Variants in SLC35F2 observed in about 807,000 individuals in gnomAD.
SLC35F2 encodes the protein queuine/queuosine transporter SLC35F2.
A neutral mutation model predicts 38.1 loss-of-function variants in SLC35F2; 25 were observed. The observed-to-expected ratio is 0.66, with a 90% CI of 0.48 to 0.92. The LOEUF (loss-of-function observed/expected upper bound fraction) is 0.92. Ranked by LOEUF, SLC35F2 falls within the 40% of genes least tolerant of loss-of-function variation. The probability of loss-of-function intolerance (pLI) is 0.00; values close to 1 mark genes in which losing one functional copy is unlikely to be tolerated. For missense variants in SLC35F2, 409 were observed against 452.9 expected, an observed-to-expected ratio of 0.90 and a Z score of 0.88; for synonymous variants, 173 against 181.7, an observed-to-expected ratio of 0.95 and a Z score of 0.38.
intron 1 of SLC35F2, among the ~76,000 whole-genome samples, chr11:107,838,004 C>A (rs1345986180): frequency 2.0e-5 from 3 of 151,396 alleles, no homozygotes; most frequent in African/African-American, 7.3e-5. Flanking sequence ...TACTATATAC[C>A]AAGCGCTAAT....
chr11:107,811,022 TCA>T (rs769345225), intron 3 of SLC35F2: 91 of 985,220 alleles, frequency 9.2e-5, no homozygotes, highest in Non-Finnish European at 1.1e-4. Context: ...TGAGTCTATC[TCA>T]CTTTCACCTC....
intron 1 of SLC35F2, among the ~76,000 whole-genome samples, chr11:107,843,244 G>A (rs1030615745): frequency 6.6e-6 from 1 of 152,110 alleles, no homozygotes; most frequent in African/African-American, 2.4e-5. Context: ...GACTGGTGAT[G>A]CGTTTACGGG....
At chr11:107,810,757 A>G (rs1225817823) in intron 3 of SLC35F2, 1 of 978,426 alleles carries the variant, frequency 1.0e-6, no homozygotes, top group Non-Finnish European at 1.2e-6. Context: ...GTAACATTTA[A>G]TGTAGGTTCA....
intron 7 of SLC35F2, among the ~76,000 whole-genome samples, chr11:107,800,906 T>C (rs1467264815): frequency 6.6e-5 from 2 of 30,438 alleles, no homozygotes; most frequent in Non-Finnish European, 1.7e-4. Flanking sequence ...ATTACTACTT[T>C]TTTTTTTTTT....
intron 1 of SLC35F2, among the ~76,000 whole-genome samples, chr11:107,854,963 G>A (rs373623037): frequency 6.6e-6 from 1 of 152,044 alleles, no homozygotes; most frequent in Admixed American, 6.6e-5. Flanking sequence ...CCACAGGTGG[G>A]GATTCACAAA....
At chr11:107,854,764 A>G (rs1447188174) in intron 1 of SLC35F2, among the ~76,000 whole-genome samples, 1 of 152,192 alleles carries the variant, frequency 6.6e-6, no homozygotes, top group Non-Finnish European at 1.5e-5. Context: ...AACAAGCTCT[A>G]TGCCCCAATC....
chr11:107,825,233 T>C (rs572458572), intron 1 of SLC35F2, among the ~76,000 whole-genome samples: 26 of 152,340 alleles, frequency 1.7e-4, no homozygotes, highest in South Asian at 8.3e-4. Context: ...GGTTATAGTA[T>C]TGAATAACAC....
At position 107,792,453 on chromosome 11, in the gene SLC35F2, C is replaced by T. The variant is rs1291594041; in HGVS notation, c.*162G>A. The T allele has an allele frequency of 2.6e-6, 2 of 772,874 alleles. No individual in the cohort carries two copies. The highest frequency in any genetic ancestry group is 2.2e-5 in the South Asian group (1 of 44,634). 47.9% of individuals were successfully genotyped at this position (772,874 alleles called of 1,614,324 possible). A position where few individuals can be genotyped will look rare whatever the true frequency, so the allele number is the denominator to read the frequency against. On this transcript the variant is annotated 3_prime_UTR_variant, in exon 8 of 8. Coordinates refer to ENST00000525815, the MANE Select transcript of SLC35F2 (RefSeq NM_017515.5). ...TTTCTGCTCTATTTTGGTATTTCTA[C>T]TTTTGAACTTTGTTCAGTGTTCCTT...
At position 107,858,787 on chromosome 11, in the gene SLC35F2, C is replaced by A; in HGVS notation, c.-20G>T. The stretch of plus-strand genomic sequence containing the variant: ...CTCCATCGGCGCCCTTGCGCGTCTC[C>A]GGCGCCCAAAACCCCCGAAGTGCCG... On this transcript the variant is annotated 5_prime_UTR_variant, in exon 1 of 8. Transcript: ENST00000525815. 1 of 1,250,888 alleles carries A rather than the reference C, an allele frequency of 8.0e-7. No homozygotes were observed. Among genetic ancestry groups the A allele is most frequent in the East Asian group, 3.1e-5 (1 of 32,080 alleles). 77.5% of individuals were successfully genotyped at this position (1,250,888 alleles called of 1,614,324 possible).
At chr11:107,798,873 C>T (rs1225065032) in intron 7 of SLC35F2, among the ~76,000 whole-genome samples, 2 of 152,126 alleles carry the variant, frequency 1.3e-5, no homozygotes, top group African/African-American at 4.8e-5. Context: ...GTCAGGAGTT[C>T]GAGACCAGCC....
chr11:107,816,212 C>T lies in SLC35F2; in HGVS notation c.111-247G>A, dbSNP rs1859571582. The stretch of plus-strand genomic sequence containing the variant: ...ATATTCCCCCATTTCACTGAACATC[C>T]ATTTAGAGATCATTTTGATTACTCA... On this transcript the variant is annotated intron_variant, in intron 1 of 7. Coordinates refer to ENST00000525815, the MANE Select transcript of SLC35F2 (RefSeq NM_017515.5). 4.1e-6 allele frequency: 4 copies of T among 985,086 alleles called. No individual in the cohort carries two copies. The South Asian group carries it at 1.9e-4, about 46-fold the overall frequency. The allele number at this position is 985,086 out of a possible 1,614,324, so 61.0% of individuals were successfully genotyped here.
At chr11:107,808,414 A>T (rs941135029) in intron 3 of SLC35F2, among the ~76,000 whole-genome samples, 1 of 151,062 alleles carries the variant, frequency 6.6e-6, no homozygotes, top group Non-Finnish European at 1.5e-5. Context: ...GCATTCAAGG[A>T]TAAAATATAT....
chr11:107,822,843 A>G (rs1317426442), intron 1 of SLC35F2, among the ~76,000 whole-genome samples: 4 of 152,146 alleles, frequency 2.6e-5, no homozygotes, highest in African/African-American at 9.7e-5. Context: ...AGAGGAGTCA[A>G]AACAATCACA....
intron 3 of SLC35F2, among the ~76,000 whole-genome samples, chr11:107,807,230 T>C (rs1397120717): frequency 8.3e-5 from 11 of 131,816 alleles, no homozygotes; most frequent in Non-Finnish European, 1.3e-4. Context: ...AGTCCAGGAG[T>C]TCGATATCAG....
At chr11:107,815,721 T>C (rs1002533716) in intron 2 of SLC35F2, 69 bp downstream of exon 2, 2 of 1,504,070 alleles carry the variant, frequency 1.3e-6, no homozygotes, top group African/African-American at 1.4e-5. Flanking sequence ...AATTTAGAGG[T>C]GTCATACTTT....
intron 7 of SLC35F2, among the ~76,000 whole-genome samples, chr11:107,802,242 A>AAAAAGAAAAAAAAATAAAT: frequency 6.8e-6 from 1 of 147,892 alleles, no homozygotes; most frequent in African/African-American, 2.6e-5. Context: ...CATCTCAAAA[A>AAAAAGAAAAAAAAATAAAT]AAATAAATAA....
At chr11:107,812,822 T>TCCTAGA (rs1182591737) in intron 2 of SLC35F2, among the ~76,000 whole-genome samples, 2 of 152,212 alleles carry the variant, frequency 1.3e-5, no homozygotes, top group African/African-American at 4.8e-5. Flanking sequence ...ATTAATTGGT[T>TCCTAGA]ATTTAACTTC....
chr11:107,809,082 AT>A (rs920736815), intron 3 of SLC35F2, among the ~76,000 whole-genome samples: 8 of 152,190 alleles, frequency 5.3e-5, no homozygotes, highest in Non-Finnish European at 1.5e-5. Flanking sequence ...AAAATATAAA[AT>A]AAAAAGATCA....
rs567693800 is a variant in SLC35F2 at position 107,825,612 on chromosome 11, G to A, written c.111-9647C>T. Among the ~76,000 whole-genome samples the A allele has an allele frequency of 3.5e-4, 53 of 151,898 alleles. 1 individual carries two copies. In the South Asian group the frequency reaches 6.7e-3, roughly 19 times the overall value. On this transcript the variant is annotated intron_variant, in intron 1 of 7. Transcript: ENST00000525815. ...TCTCAAACTCCTGACCTCGTGATCC[G>A]CCCACCTCGGCCCCCCAAAGTTGTT...
Sources: gnomAD v4.1 joint callset for allele counts (sites outside exome capture counted in the v4.1 genomes callset) on GRCh38, gnomAD v4.1.1 for gene constraint, MANE v1.5 for transcripts, NCBI Gene and HGNC (gene_info 2026-07-23, HGNC 2026-07-21) for gene names.